The following AMBRA1 variants were observed in gnomAD, a reference collection of about 807,000 sequenced individuals.
AMBRA1 encodes activating molecule in BECN1-regulated autophagy protein 1.
AMBRA1 carries 47 observed loss-of-function variants against 125.4 expected under a neutral mutation model. The ratio of observed to expected loss-of-function variants is 0.37; its 90% CI spans 0.30 to 0.48. The LOEUF is 0.48. AMBRA1 is among the 20% of genes least tolerant of loss of function. The pLI, the probability that AMBRA1 is intolerant of heterozygous loss-of-function variation, is 0.99. For missense variants in AMBRA1, 1,331 were observed against 1,693.4 expected (o/e 0.79, Z 3.76); for synonymous variants, 626 against 655.5 (o/e 0.95, Z 0.69).
At chr11:46,415,070 A>G (rs1946474510) in intron 15 of AMBRA1, among the ~76,000 whole-genome samples, 1 of 152,172 alleles carries the variant, frequency 6.6e-6, no homozygotes, top group Admixed American at 6.5e-5. Context: ...GGAGGGCTGC[A>G]ATCTTGGCCC....
chr11:46,480,670 T>C lies in AMBRA1; in HGVS notation c.2521+12938A>G, dbSNP rs1453207643. 3.3e-5 allele frequency among the ~76,000 whole-genome samples: 5 copies of C among 152,222 alleles called. No individual in the cohort carries two copies. In the East Asian group the frequency reaches 9.6e-4, roughly 29 times the overall value. On this transcript the variant is annotated intron_variant, in intron 11 of 17. Transcript: ENST00000683756. ...CAGATCTAGAGATTATTGCTGAAGT[T>C]TAACCAAAGTCAGCCTTATTATCTC...
At chr11:46,544,100 G>T in intron 5 of AMBRA1, 59 bp from the exon 6 acceptor site, 2 of 1,376,928 alleles carry the variant, frequency 1.5e-6, no homozygotes, top group South Asian at 1.2e-5. Flanking sequence ...TAACTGAGAA[G>T]AGGAAACTTG....
intron 11 of AMBRA1, among the ~76,000 whole-genome samples, chr11:46,485,977 A>G (rs1279891498): frequency 6.6e-6 from 1 of 152,202 alleles, no homozygotes; most frequent in Non-Finnish European, 1.5e-5. Context: ...CCCGGGTGCT[A>G]TAAGGCAACT....
intron 5 of AMBRA1, 132 bp downstream of exon 5, chr11:46,545,471 AT>A: frequency 9.4e-7 from 1 of 1,061,546 alleles, no homozygotes; most frequent in Non-Finnish European, 1.3e-6. Context: ...CAAAAAAAAA[AT>A]AGGAGGAGCT....
intron 15 of AMBRA1, among the ~76,000 whole-genome samples, chr11:46,417,434 T>C (rs1282766941): frequency 1.3e-5 from 2 of 152,178 alleles, no homozygotes; most frequent in Non-Finnish European, 2.9e-5. Flanking sequence ...GAATTGTTGT[T>C]AGAGATCAGT....
intron 7 of AMBRA1, among the ~76,000 whole-genome samples, chr11:46,528,831 AAACGCCACCTTGC>A (rs1429161924): frequency 6.6e-6 from 1 of 152,214 alleles, no homozygotes; most frequent in Non-Finnish European, 1.5e-5. Context: ...AAGAAAAGAT[AAACGCCACCTTGC>A]TGAGGTGAAA....
rs764232463 is a variant in AMBRA1, at chr11:46,408,577, A to G, written c.3339T>C (p.Asn1113=). The G allele has an allele frequency of 1.2e-6, 2 of 1,607,896 alleles. No individual in the cohort carries two copies. Among genetic ancestry groups the G allele is most frequent in the Admixed American group, 3.4e-5 (2 of 59,380 alleles). Residue 1113 remains asparagine, a synonymous_variant, in exon 17 of 18, where the codon AAT becomes AAC. Transcript: ENST00000683756. ...GTQTLALQLQ[N]AETQTEREVP... Reference sequence around the variant, plus strand: ...CCTCCCTCTCAGTCTGTGTTTCGGCATTCTGCAGCTGAAGGGCCAGAGTCT... The same window carrying G: ...CCTCCCTCTCAGTCTGTGTTTCGGCGTTCTGCAGCTGAAGGGCCAGAGTCT...
chr11:46,435,808 T>C (rs1947688134), intron 12 of AMBRA1, among the ~76,000 whole-genome samples: 1 of 152,244 alleles, frequency 6.6e-6, no homozygotes, highest in South Asian at 2.1e-4. Context: ...TGGAGGAATG[T>C]CTGTTGGTGA....
intron 17 of AMBRA1, among the ~76,000 whole-genome samples, chr11:46,404,184 G>A (rs1311524812): frequency 6.6e-6 from 1 of 152,196 alleles, no homozygotes; most frequent in African/African-American, 2.4e-5. Flanking sequence ...GCGAGATCTT[G>A]TCTCAAAAAA....
intron 7 of AMBRA1, chr11:46,518,122 C>T (rs558833153): frequency 9.2e-5 from 91 of 984,840 alleles, no homozygotes; most frequent in Non-Finnish European, 1.1e-4. Context: ...AAGAGATAGC[C>T]ATTTGTTTTC....
chr11:46,550,647 T>C (rs2042963666), intron 1 of AMBRA1, among the ~76,000 whole-genome samples: 3 of 152,198 alleles, frequency 2.0e-5, no homozygotes, highest in Non-Finnish European at 2.9e-5. Context: ...GTACAAATAA[T>C]AAATTTCCCT....
rs145238098 is a variant in AMBRA1, at chr11:46,523,890, T to C, written c.2073-11077A>G. ...ATTCATTTATTTATTTATTTTGAGA[T>C]AGAGTTTCGCTCTTGTTGCCCAGGC... is the stretch of plus-strand genomic sequence containing the variant. On this transcript the variant is annotated intron_variant, in intron 7 of 17. Coordinates refer to ENST00000683756, the MANE Select transcript of AMBRA1 (RefSeq NM_001387011.1). 1.4e-3 allele frequency among the ~76,000 whole-genome samples: 215 copies of C among 152,258 alleles called. 1 individual carries two copies. The highest frequency in any genetic ancestry group is 2.3e-3 in the Non-Finnish European group (155 of 68,006).
In AMBRA1 at chr11:46,396,746, G is replaced by T. The variant is rs1314494048; in HGVS notation, c.*704C>A. The T allele has an allele frequency of 6.5e-6, 1 of 152,712 alleles. No individual in the cohort carries two copies. Among genetic ancestry groups the T allele is most frequent in the Non-Finnish European group, 1.5e-5 (1 of 68,110 alleles). The allele number at this position is 152,712 out of a possible 1,614,324, so 9.5% of individuals were successfully genotyped here. A position where few individuals can be genotyped will look rare whatever the true frequency, so the allele number is the denominator to read the frequency against. ...GGCGCTGCTCTGAGGGCCTTGCGGG[G>T]AGAAGACTGGTGGACAAGCCCTGGG... On this transcript the variant is annotated 3_prime_UTR_variant, in exon 18 of 18. Coordinates refer to ENST00000683756, the MANE Select transcript of AMBRA1 (RefSeq NM_001387011.1).
At chr11:46,523,729 AAAGAT>A (rs1308643654) in intron 7 of AMBRA1, among the ~76,000 whole-genome samples, 1 of 152,236 alleles carries the variant, frequency 6.6e-6, no homozygotes, top group Non-Finnish European at 1.5e-5. Flanking sequence ...ACAAAAGACA[AAAGAT>A]AAGACAGAAG....
chr11:46,479,783 A>G (rs1949982260), intron 11 of AMBRA1, among the ~76,000 whole-genome samples: 1 of 152,172 alleles, frequency 6.6e-6, no homozygotes, highest in Admixed American at 6.6e-5. Context: ...GCTGAAGCCA[A>G]ATAGCCTGCC....
intron 9 of AMBRA1, chr11:46,495,426 G>A (rs1205637992): frequency 2.6e-5 from 4 of 152,218 alleles, no homozygotes; most frequent in Admixed American, 6.5e-5. Context: ...ATTGGCTGCC[G>A]AGCATTAAAT....
chr11:46,483,026 A>AG (rs1432922465), intron 11 of AMBRA1, among the ~76,000 whole-genome samples: 1 of 151,628 alleles, frequency 6.6e-6, no homozygotes, highest in Non-Finnish European at 1.5e-5. Context: ...AAAAGAAAAA[A>AG]AAAAAAGAGT....
chr11:46,401,325 CCA>C (rs1945750132), intron 17 of AMBRA1, among the ~76,000 whole-genome samples: 1 of 152,240 alleles, frequency 6.6e-6, no homozygotes, highest in Non-Finnish European at 1.5e-5. Context: ...ACTGCAACCT[CCA>C]CTTCCCGGGT....
intron 17 of AMBRA1, among the ~76,000 whole-genome samples, chr11:46,407,936 C>G (rs1261367474): frequency 6.6e-6 from 1 of 152,202 alleles, no homozygotes; most frequent in Non-Finnish European, 1.5e-5. Flanking sequence ...TCGAACTCTG[C>G]TGCTGGGAAG....
Sources: allele counts gnomAD v4.1 joint callset (sites outside exome capture counted in the v4.1 genomes callset), GRCh38; gene constraint gnomAD v4.1.1; transcripts MANE v1.5; gene names NCBI Gene and HGNC (gene_info 2026-07-23, HGNC 2026-07-21).